Variants in RCSD1 observed in about 807,000 individuals in gnomAD.
RCSD1 encodes the protein RCSD domain containing 1, also known as capZ-interacting protein.
RCSD1 carries 26 observed loss-of-function variants against 42.5 expected under a neutral mutation model. The observed-to-expected ratio is 0.61, with a 90% CI of 0.45 to 0.85. The LOEUF is 0.85. Ranked by LOEUF, RCSD1 falls within the 40% of genes least tolerant of loss-of-function variation. The pLI, the probability that RCSD1 is intolerant of heterozygous loss-of-function variation, is 0.00. For synonymous variants in RCSD1, 220 were observed against 212.2 expected (o/e 1.04, Z -0.32); for missense variants, 571 against 528.3 (o/e 1.08, Z -0.79).
At chr1:167,666,965 C>G (rs545169589) in intron 1 of RCSD1, among the ~76,000 whole-genome samples, 1 of 152,220 alleles carries the variant, frequency 6.6e-6, no homozygotes, top group Non-Finnish European at 1.5e-5. Flanking sequence ...AGATTGGAGA[C>G]CCCTGCAATA....
At chr1:167,632,894 T>C (rs1657742464) in intron 1 of RCSD1, among the ~76,000 whole-genome samples, 1 of 152,200 alleles carries the variant, frequency 6.6e-6, no homozygotes, top group Non-Finnish European at 1.5e-5. Context: ...GGAAGTAAAC[T>C]TTTCATGGTG....
Position 167,707,749 on chromosome 1 carries a change from C to T in RCSD1, c.*3053C>T, listed in dbSNP as rs1174601100. 4.6e-5 allele frequency among the ~76,000 whole-genome samples: 7 copies of T among 152,308 alleles called. No individual in the cohort carries two copies. The East Asian group carries it at 1.4e-3, about 29-fold the overall frequency. Reference sequence around the variant, plus strand: ...TGGCACAATCACAGTTCACTGCAACCTCTGCCTCCTGCATTCAAGCGATTC... The same window carrying T: ...TGGCACAATCACAGTTCACTGCAACTTCTGCCTCCTGCATTCAAGCGATTC... On this transcript the variant is annotated 3_prime_UTR_variant, in exon 7 of 7. Transcript: ENST00000367854.
chr1:167,706,269 T>C lies in RCSD1; in HGVS notation c.*1573T>C, dbSNP rs1659755448. 6.6e-6 allele frequency: 1 copy of C among 152,244 alleles called. No individual in the cohort carries two copies. Among genetic ancestry groups the C allele is most frequent in the Non-Finnish European group, 1.5e-5 (1 of 68,046 alleles). The allele number at this position is 152,244 out of a possible 1,614,324, so 9.4% of individuals were successfully genotyped here. On this transcript the variant is annotated 3_prime_UTR_variant, in exon 7 of 7. Transcript: ENST00000367854. ...TTGGGAGATGTGTGTGTCAATTATT[T>C]TGAGATCTATAAACTTGTCTGTCTA...
chr1:167,678,699 A>G (rs1167860201), intron 1 of RCSD1, among the ~76,000 whole-genome samples: 2 of 151,946 alleles, frequency 1.3e-5, no homozygotes, highest in African/African-American at 4.8e-5. Flanking sequence ...AAACCCTCCA[A>G]ATGACATCCT....
chr1:167,669,743 C>T (rs1176077631), intron 1 of RCSD1, among the ~76,000 whole-genome samples: 1 of 152,176 alleles, frequency 6.6e-6, no homozygotes, highest in Non-Finnish European at 1.5e-5. Context: ...CCTCTCCTGT[C>T]TCCCTCCAGT....
At position 167,707,575 on chromosome 1, in the gene RCSD1, C is replaced by G. The variant is rs554281576; in HGVS notation, c.*2879C>G. 6.6e-6 allele frequency among the ~76,000 whole-genome samples: 1 copy of G among 152,200 alleles called. No individual in the cohort carries two copies. The highest frequency in any genetic ancestry group is 2.1e-4 in the South Asian group (1 of 4,802). On this transcript the variant is annotated 3_prime_UTR_variant, in exon 7 of 7. Transcript: ENST00000367854. ...TGGTCTCTGCTTTCCCTCGTATTGG[C>G]CATATTCTTTTTTTTTTCTTTTTTA... is the stretch of plus-strand genomic sequence containing the variant.
chr1:167,684,699 A>AC (rs1309779250), intron 2 of RCSD1, among the ~76,000 whole-genome samples: 5 of 151,738 alleles, frequency 3.3e-5, no homozygotes, highest in Non-Finnish European at 7.4e-5. Flanking sequence ...ACATGGAGAA[A>AC]CCCCGTCTCC....
At chr1:167,662,610 T>C (rs1658564769) in intron 1 of RCSD1, among the ~76,000 whole-genome samples, 1 of 152,204 alleles carries the variant, frequency 6.6e-6, no homozygotes, top group African/African-American at 2.4e-5. Flanking sequence ...ACTCTCCTTT[T>C]CGAAAGAACG....
chr1:167,693,580 C>T (rs1041488200), intron 4 of RCSD1, among the ~76,000 whole-genome samples: 6 of 152,138 alleles, frequency 3.9e-5, no homozygotes, highest in Non-Finnish European at 5.9e-5. Context: ...GAATCAGACC[C>T]GGTGTGAATC....
At chr1:167,684,804 G>A (rs928403773) in intron 2 of RCSD1, among the ~76,000 whole-genome samples, 2 of 152,170 alleles carry the variant, frequency 1.3e-5, no homozygotes, top group Admixed American at 6.5e-5. Context: ...AACCCAGGAG[G>A]TGGAGGTTTC....
chr1:167,702,900 CCAAA>C (rs766474074), intron 6 of RCSD1, among the ~76,000 whole-genome samples: 5 of 152,238 alleles, frequency 3.3e-5, no homozygotes, highest in East Asian at 3.9e-4. Flanking sequence ...ACTAACTTAC[CCAAA>C]CAAAGACATT....
chr1:167,696,138 A>G (rs1571106139), intron 5 of RCSD1, among the ~76,000 whole-genome samples: 1 of 150,546 alleles, frequency 6.6e-6, no homozygotes, highest in Non-Finnish European at 1.5e-5. Flanking sequence ...CCAGCTCAGC[A>G]CCCCTGAGGT....
rs1659759497 is a variant in RCSD1 at position 167,706,413 on chromosome 1, G to A, written c.*1717G>A. On this transcript the variant is annotated 3_prime_UTR_variant, in exon 7 of 7. Coordinates refer to ENST00000367854, the MANE Select transcript of RCSD1 (RefSeq NM_052862.4). Reference sequence around the variant, plus strand: ...ATGTCTTTGGGTTGTTTATACACATGCACTATCTGGGCAAGTACTTTGTGA... The same window carrying A: ...ATGTCTTTGGGTTGTTTATACACATACACTATCTGGGCAAGTACTTTGTGA... Among the ~76,000 whole-genome samples the A allele has an allele frequency of 6.6e-6, 1 of 152,130 alleles. No homozygotes were observed. The highest frequency in any genetic ancestry group is 1.5e-5 in the Non-Finnish European group (1 of 68,032).
At position 167,694,293 on chromosome 1, in the gene RCSD1, T is replaced by A; in HGVS notation, c.465T>A (p.Cys155Ter). Residue 155 changes from cysteine to a stop codon, truncating the protein, a stop_gained, in exon 5 of 7, where the codon TGT becomes TGA. Coordinates refer to ENST00000367854, the MANE Select transcript of RCSD1 (RefSeq NM_052862.4). LOFTEE classifies it high-confidence loss of function. ...DQPPEGSHLP[C>*]YNKVRTRGSI... ...CCCCTGAAGGCAGTCATCTGCCCTG[T>A]TACAACAAGGTAAATTCTAGCTCCA... The A allele has an allele frequency of 6.2e-7, 1 of 1,613,980 alleles. No homozygotes were observed. Among genetic ancestry groups the A allele is most frequent in the Non-Finnish European group, 8.5e-7 (1 of 1,179,938 alleles).
chr1:167,692,411 A>G (rs1659396485), intron 4 of RCSD1, among the ~76,000 whole-genome samples: 1 of 152,210 alleles, frequency 6.6e-6, no homozygotes, highest in Admixed American at 6.5e-5. Flanking sequence ...TTTAAGGTCC[A>G]GTGAACCCCC....
chr1:167,696,985 C>A, intron 5 of RCSD1, 114 bp from the exon 6 acceptor site: 1 of 917,292 alleles, frequency 1.1e-6, no homozygotes, highest in Non-Finnish European at 1.6e-6. Flanking sequence ...ATTAAACGGT[C>A]CTTGCGTGGA....
chr1:167,697,378 G>A lies in RCSD1; in HGVS notation c.754G>A (p.Asp252Asn). 2 of 1,613,940 alleles carry A rather than the reference G, an allele frequency of 1.2e-6. No homozygotes were observed. Among genetic ancestry groups the A allele is most frequent in the Non-Finnish European group, 1.7e-6 (2 of 1,179,942 alleles). ...SPSRTEKQEEDRATEEAKNGE... is the reference protein window; with the variant it reads ...SPSRTEKQEENRATEEAKNGE... ...CAGCAGGACAGAGAAGCAGGAGGAG[G>A]ACAGGGCCACAGAGGAAGCCAAGAA... Residue 252 changes from aspartate to asparagine, a missense_variant, in exon 6 of 7, where the codon GAC becomes AAC. Coordinates refer to ENST00000367854, the MANE Select transcript of RCSD1 (RefSeq NM_052862.4).
In RCSD1 at chr1:167,685,523, G is replaced by T; in HGVS notation, c.198+13G>T. 1.2e-6 allele frequency: 2 copies of T among 1,609,202 alleles called. No homozygotes were observed. The highest frequency in any genetic ancestry group is 1.7e-6 in the Non-Finnish European group (2 of 1,176,114). Reference sequence around the variant, plus strand: ...GAATGGTGAGGAGGTAAGTGCTGCTGTTGGGGCTCAGAGGATGCTGTGATG... The same window carrying T: ...GAATGGTGAGGAGGTAAGTGCTGCTTTTGGGGCTCAGAGGATGCTGTGATG... On this transcript the variant is annotated intron_variant, in intron 3 of 6. Coordinates refer to ENST00000367854, the MANE Select transcript of RCSD1 (RefSeq NM_052862.4).
At chr1:167,692,257 T>C (rs1659394803) in intron 4 of RCSD1, among the ~76,000 whole-genome samples, 1 of 152,236 alleles carries the variant, frequency 6.6e-6, no homozygotes, top group African/African-American at 2.4e-5. Context: ...ACTATTCTAC[T>C]GAATGAATTA....
Sources: gnomAD v4.1 joint callset for allele counts (sites outside exome capture counted in the v4.1 genomes callset) on GRCh38, gnomAD v4.1.1 for gene constraint, MANE v1.5 for transcripts, NCBI Gene and HGNC (gene_info 2026-07-23, HGNC 2026-07-21) for gene names.